MIPOL1: variants seen among roughly 807,000 people sequenced by gnomAD.
The protein encoded by MIPOL1 is mirror-image polydactyly 1, also known as mirror-image polydactyly gene 1 protein.
MIPOL1 carries 57 observed loss-of-function variants against 60.9 expected under a neutral mutation model. The ratio of observed to expected loss-of-function variants is 0.94; its 90% CI spans 0.76 to 1.17. The LOEUF (loss-of-function observed/expected upper bound fraction) is 1.17, where lower values mean the gene tolerates loss of function less well. Among genes scored for constraint, MIPOL1 ranks in the 50% most tolerant of loss-of-function variants. The pLI, the probability that MIPOL1 is intolerant of heterozygous loss-of-function variation, is 0.00. For synonymous variants in MIPOL1, 179 were observed against 168.8 expected (o/e 1.06, Z -0.47); for missense variants, 551 against 511.6 (o/e 1.08, Z -0.74).
intron 11 of MIPOL1, among the ~76,000 whole-genome samples, chr14:37,491,528 C>CA (rs1594693065): frequency 6.6e-6 from 1 of 152,004 alleles, no homozygotes; most frequent in Non-Finnish European, 1.5e-5. Flanking sequence ...GACTCTGTCT[C>CA]AAAAAAACCT....
rs143675246 is a variant in MIPOL1 at position 37,345,863 on chromosome 14, G to A, written c.829-23654G>A. The stretch of plus-strand genomic sequence containing the variant: ...CTGAACTGCAGAATTTTTACTTAAC[G>A]TATCTTACATGTGTATCTTTTGTCT... On this transcript the variant is annotated intron_variant, in intron 9 of 12. Coordinates refer to ENST00000684589, the MANE Select transcript of MIPOL1 (RefSeq NM_001388067.1). Among the ~76,000 whole-genome samples the A allele has an allele frequency of 4.1e-4, 62 of 152,130 alleles. 1 individual carries two copies. The highest frequency in any genetic ancestry group is 9.9e-4 in the African/African-American group (41 of 41,508).
chr14:37,347,157 A>G (rs1217502838), intron 9 of MIPOL1, among the ~76,000 whole-genome samples: 2 of 152,232 alleles, frequency 1.3e-5, no homozygotes, highest in East Asian at 1.9e-4. Flanking sequence ...CACATAAAAA[A>G]TCCACCATGA....
intron 6 of MIPOL1, among the ~76,000 whole-genome samples, chr14:37,282,811 A>G (rs1238963392): frequency 6.6e-6 from 1 of 151,216 alleles, no homozygotes; most frequent in East Asian, 2.0e-4. Context: ...GAGTAGTGGA[A>G]AAGTGGTGGT....
At chr14:37,351,609 T>C (rs80040060) in intron 9 of MIPOL1, among the ~76,000 whole-genome samples, 29 of 144,248 alleles carry the variant, frequency 2.0e-4, no homozygotes, top group Non-Finnish European at 3.3e-4. Context: ...TTCTAACTGG[T>C]GTGAGATGGT....
At chr14:37,213,569 G>A (rs1384699763) in intron 1 of MIPOL1, among the ~76,000 whole-genome samples, 1 of 152,104 alleles carries the variant, frequency 6.6e-6, no homozygotes, top group Non-Finnish European at 1.5e-5. Context: ...ATGCCTACAG[G>A]ATCCAGAAAA....
rs2094337944 is a variant in MIPOL1 at position 37,446,539 on chromosome 14, A to G, written c.1031+23590A>G. Among the ~76,000 whole-genome samples, 3 of 150,924 alleles carry G rather than the reference A, an allele frequency of 2.0e-5. No homozygotes were observed. The East Asian group carries it at 5.8e-4, about 29-fold the overall frequency. On this transcript the variant is annotated intron_variant, in intron 11 of 12. Coordinates refer to ENST00000684589, the MANE Select transcript of MIPOL1 (RefSeq NM_001388067.1). ...GGCGATTCCTCAGGGATCTAGAACT[A>G]GAAATACCATTTGACCCAGCCATCC... is the stretch of plus-strand genomic sequence containing the variant.
At position 37,426,797 on chromosome 14, in the gene MIPOL1, C is replaced by A. The variant is rs113106190; in HGVS notation, c.1031+3848C>A. On this transcript the variant is annotated intron_variant, in intron 11 of 12. Transcript: ENST00000684589. ...GAGCATGACCCAAAAACAGATAAATCGTACATATTGAATGAAGATATATCA... is the reference window on the plus strand; with the variant it reads ...GAGCATGACCCAAAAACAGATAAATAGTACATATTGAATGAAGATATATCA... 5.9e-5 allele frequency among the ~76,000 whole-genome samples: 9 copies of A among 151,490 alleles called. No individual in the cohort carries two copies. In the East Asian group the frequency reaches 1.8e-3, roughly 29 times the overall value.
At chr14:37,294,759 A>G (rs899839313) in intron 7 of MIPOL1, among the ~76,000 whole-genome samples, 1 of 152,040 alleles carries the variant, frequency 6.6e-6, no homozygotes, top group African/African-American at 2.4e-5. Context: ...GTTTAGAGAA[A>G]AAAGAAAAGA....
chr14:37,491,079 A>G (rs1206767291), intron 11 of MIPOL1, among the ~76,000 whole-genome samples: 1 of 152,220 alleles, frequency 6.6e-6, no homozygotes, highest in Admixed American at 6.5e-5. Context: ...GTTGCCTGAG[A>G]ACTATACAGT....
At chr14:37,199,236 T>C (rs1327663851) in intron 1 of MIPOL1, among the ~76,000 whole-genome samples, 1 of 152,210 alleles carries the variant, frequency 6.6e-6, no homozygotes, top group Non-Finnish European at 1.5e-5. Flanking sequence ...GAAAGAGCAT[T>C]ATTGCATCCC....
chr14:37,503,553 G>A (rs1243360585), intron 12 of MIPOL1: 1 of 152,130 alleles, frequency 6.6e-6, no homozygotes, highest in African/African-American at 2.4e-5. Flanking sequence ...ACAAGCAAAT[G>A]TTGAGAGATT....
At chr14:37,330,928 G>C (rs1036744146) in intron 9 of MIPOL1, among the ~76,000 whole-genome samples, 4 of 152,058 alleles carry the variant, frequency 2.6e-5, no homozygotes, top group Non-Finnish European at 5.9e-5. Flanking sequence ...GGCTAAAATG[G>C]AGCAGACATC....
chr14:37,460,938 A>G (rs1200463906), intron 11 of MIPOL1, among the ~76,000 whole-genome samples: 2 of 152,242 alleles, frequency 1.3e-5, no homozygotes, highest in Admixed American at 6.5e-5. Context: ...CCAAAGGAAT[A>G]TACAGATTCA....
chr14:37,311,312 A>G (rs181967329), intron 9 of MIPOL1, among the ~76,000 whole-genome samples: 1 of 152,188 alleles, frequency 6.6e-6, no homozygotes, highest in Non-Finnish European at 1.5e-5. Flanking sequence ...AAATAAGCAC[A>G]TAGAGCATAA....
chr14:37,273,002 T>C (rs1002211956), intron 6 of MIPOL1, among the ~76,000 whole-genome samples: 5 of 151,200 alleles, frequency 3.3e-5, no homozygotes, highest in Non-Finnish European at 7.4e-5. Flanking sequence ...ATGTAAAATA[T>C]AGAGATTTAT....
intron 9 of MIPOL1, among the ~76,000 whole-genome samples, chr14:37,335,023 A>G (rs1027328726): frequency 2.6e-5 from 4 of 152,022 alleles, no homozygotes; most frequent in East Asian, 1.9e-4. Context: ...TCTCTTTAGT[A>G]TATACTTTGA....
intron 11 of MIPOL1, among the ~76,000 whole-genome samples, chr14:37,477,229 A>G (rs551644535): frequency 1.3e-5 from 2 of 151,922 alleles, no homozygotes; most frequent in Non-Finnish European, 2.9e-5. Context: ...TTAGGGTAAT[A>G]CTAGCCTCAT....
intron 10 of MIPOL1, among the ~76,000 whole-genome samples, chr14:37,381,983 T>G (rs1405365733): frequency 6.6e-6 from 1 of 152,030 alleles, no homozygotes; most frequent in Non-Finnish European, 1.5e-5. Context: ...TCCTCAACCT[T>G]AGTTTTGTTT....
rs1173430026 is a variant in MIPOL1 at position 37,297,407 on chromosome 14, C to T, written c.624-10649C>T. 4.6e-5 allele frequency among the ~76,000 whole-genome samples: 7 copies of T among 152,098 alleles called. No homozygotes were observed. The South Asian group carries it at 6.2e-4, about 13-fold the overall frequency. ...TGAAAACTGGCACAAGACAGGGATG[C>T]GCTCTCTCACCACTCCTATTCAACA... On this transcript the variant is annotated intron_variant, in intron 7 of 12. Transcript: ENST00000684589.
Sources: gnomAD v4.1 joint callset for allele counts (sites outside exome capture counted in the v4.1 genomes callset) on GRCh38, gnomAD v4.1.1 for gene constraint, MANE v1.5 for transcripts, NCBI Gene and HGNC (gene_info 2026-07-23, HGNC 2026-07-21) for gene names.